The following NELL1 variants were observed in gnomAD, a reference collection of about 807,000 sequenced individuals.
NELL1 encodes the protein protein kinase C-binding protein NELL1.
A neutral mutation model predicts 107.4 loss-of-function variants in NELL1; 76 were observed. That is an observed-to-expected ratio of 0.71 (90% CI 0.59 to 0.86). NELL1 has a LOEUF of 0.86. Among genes scored for constraint, NELL1 ranks in the 40% least tolerant of loss-of-function variants. The probability of loss-of-function intolerance (pLI) is 0.00; values close to 1 mark genes in which losing one functional copy is unlikely to be tolerated. For synonymous variants in NELL1, 353 were observed against 341.2 expected (o/e 1.03, Z -0.38); for missense variants, 1,024 against 1,005.5 (o/e 1.02, Z -0.25).
At chr11:20,885,405 G>T in intron 4 of NELL1, 39 bp from the exon 5 acceptor site, 1 of 1,331,844 alleles carries the variant, frequency 7.5e-7, no homozygotes, top group Non-Finnish European at 1.1e-6. Context: ...GTTCTGCTTT[G>T]AGCCTCTCTA....
chr11:21,087,278 T>C (rs1024088652), intron 12 of NELL1, among the ~76,000 whole-genome samples: 1 of 152,104 alleles, frequency 6.6e-6, no homozygotes, highest in Non-Finnish European at 1.5e-5. Flanking sequence ...AAGAACAAGA[T>C]AGGAAGAGGA....
chr11:21,213,788 C>G (rs1857555603), intron 13 of NELL1, among the ~76,000 whole-genome samples: 1 of 151,894 alleles, frequency 6.6e-6, no homozygotes, highest in Non-Finnish European at 1.5e-5. Context: ...TGTGCATAGG[C>G]AAAAAAATTA....
intron 2 of NELL1, among the ~76,000 whole-genome samples, chr11:20,755,865 GTTTTTTTTTTTTTTTT>G (rs574606148): frequency 0.014 from 1,738 of 122,100 alleles, 69 homozygotes; most frequent in African/African-American, 0.053. Context: ...CAGACCTGCG[GTTTTTTTTTTTTTTTT>G]TTTTTTTTTT....
At chr11:21,170,647 T>C (rs1856584616) in intron 13 of NELL1, among the ~76,000 whole-genome samples, 1 of 150,186 alleles carries the variant, frequency 6.7e-6, no homozygotes, top group Non-Finnish European at 1.5e-5. Context: ...CAAATGTGTC[T>C]TTCCAGTATA....
At chr11:20,716,217 G>A (rs1260649948) in intron 2 of NELL1, among the ~76,000 whole-genome samples, 2 of 152,248 alleles carry the variant, frequency 1.3e-5, no homozygotes, top group Non-Finnish European at 2.9e-5. Context: ...ATGGGGCCAC[G>A]TGCCTGGGGA....
At chr11:21,014,425 A>T (rs1369080066) in intron 12 of NELL1, among the ~76,000 whole-genome samples, 1 of 152,148 alleles carries the variant, frequency 6.6e-6, no homozygotes, top group Non-Finnish European at 1.5e-5. Flanking sequence ...TAATGAAGAA[A>T]TGTAGTTGAA....
intron 15 of NELL1, among the ~76,000 whole-genome samples, chr11:21,496,497 C>T (rs1043318326): frequency 6.6e-6 from 1 of 151,010 alleles, no homozygotes; most frequent in Non-Finnish European, 1.5e-5. Context: ...GCAACCTTCG[C>T]CTCTTGGGTT....
intron 15 of NELL1, among the ~76,000 whole-genome samples, chr11:21,532,854 C>T (rs1428736972): frequency 6.6e-6 from 1 of 152,208 alleles, no homozygotes; most frequent in Non-Finnish European, 1.5e-5. Flanking sequence ...CCAGGAGCCA[C>T]AGCCCTTAGT....
chr11:21,146,816 G>GA (rs1554973304), intron 13 of NELL1, among the ~76,000 whole-genome samples: 2 of 151,950 alleles, frequency 1.3e-5, no homozygotes, highest in Non-Finnish European at 2.9e-5. Context: ...GCCAAGGTGG[G>GA]GGGGATCATC....
intron 2 of NELL1, among the ~76,000 whole-genome samples, chr11:20,742,943 G>T (rs1268968628): frequency 6.6e-6 from 1 of 152,074 alleles, no homozygotes; most frequent in African/African-American, 2.4e-5. Context: ...ATGTTTCTGT[G>T]TGCACATTTT....
chr11:21,289,794 G>A (rs1849208903), intron 14 of NELL1, among the ~76,000 whole-genome samples: 1 of 152,306 alleles, frequency 6.6e-6, no homozygotes, highest in Non-Finnish European at 1.5e-5. Context: ...TGGAATGCTT[G>A]AGCTTGGTGG....
At chr11:21,005,253 A>G (rs1852304740) in intron 12 of NELL1, among the ~76,000 whole-genome samples, 1 of 152,214 alleles carries the variant, frequency 6.6e-6, no homozygotes, top group South Asian at 2.1e-4. Flanking sequence ...GCCACTTAAA[A>G]TTAATATTGT....
intron 13 of NELL1, among the ~76,000 whole-genome samples, chr11:21,123,639 C>T (rs1419936798): frequency 6.6e-6 from 1 of 152,108 alleles, no homozygotes; most frequent in African/African-American, 2.4e-5. Flanking sequence ...TACAACCTTT[C>T]TTGAGGCTAA....
intron 13 of NELL1, among the ~76,000 whole-genome samples, chr11:21,197,702 C>T (rs1485612595): frequency 6.6e-6 from 1 of 152,122 alleles, no homozygotes. Context: ...TGTGAGGCAA[C>T]TGATAAATAG....
At chr11:20,686,189 C>A (rs563474712) in intron 2 of NELL1, among the ~76,000 whole-genome samples, 9 of 152,196 alleles carry the variant, frequency 5.9e-5, no homozygotes, top group Admixed American at 1.3e-4. Context: ...TGAAAACCTT[C>A]ATTTCAGTGC....
intron 15 of NELL1, among the ~76,000 whole-genome samples, chr11:21,497,526 GTTAT>G (rs1334147228): frequency 6.6e-6 from 1 of 151,956 alleles, no homozygotes; most frequent in African/African-American, 2.4e-5. Context: ...TATGAAGTCA[GTTAT>G]TTATCATTTA....
intron 5 of NELL1, among the ~76,000 whole-genome samples, chr11:20,914,302 C>G (rs1850197818): frequency 6.6e-6 from 1 of 152,040 alleles, no homozygotes; most frequent in African/African-American, 2.4e-5. Context: ...AGACATAATA[C>G]CTCCATCAGT....
At chr11:20,995,141 C>T (rs1003364786) in intron 12 of NELL1, among the ~76,000 whole-genome samples, 2 of 151,900 alleles carry the variant, frequency 1.3e-5, no homozygotes, top group African/African-American at 4.8e-5. Context: ...TTTTTTACTC[C>T]TAATTGCTGC....
chr11:21,370,822 C>A, intron 14 of NELL1, 31 bp from the exon 15 acceptor site: 1 of 1,561,572 alleles, frequency 6.4e-7, no homozygotes, highest in Non-Finnish European at 8.8e-7. Flanking sequence ...TGCATTTTAT[C>A]TAAGATAAAT....
Sources: allele counts gnomAD v4.1 joint callset (sites outside exome capture counted in the v4.1 genomes callset), GRCh38; gene constraint gnomAD v4.1.1; transcripts MANE v1.5; gene names NCBI Gene and HGNC (gene_info 2026-07-23, HGNC 2026-07-21).